Variants in RGS6 observed in about 807,000 individuals in gnomAD.
RGS6 encodes the protein regulator of G protein signaling 6.
A neutral mutation model predicts 78.5 loss-of-function variants in RGS6; 30 were observed. The ratio of observed to expected loss-of-function variants is 0.38; its 90% CI spans 0.29 to 0.52. RGS6 has a LOEUF of 0.52. Among genes scored for constraint, RGS6 ranks in the 20% least tolerant of loss-of-function variants. The pLI is 0.85. For missense variants in RGS6, 495 were observed against 609.7 expected (o/e 0.81, Z 1.98); for synonymous variants, 206 against 206.0 (o/e 1.00, Z 0.00).
At chr14:72,228,841 T>C (rs2048811047) in intron 2 of RGS6, among the ~76,000 whole-genome samples, 1 of 151,840 alleles carries the variant, frequency 6.6e-6, no homozygotes, top group South Asian at 2.1e-4. Context: ...AGGTCAGGAG[T>C]TCAAGACCAG....
the RGS6 span, among the ~76,000 whole-genome samples, chr14:71,921,360 C>T: frequency 6.6e-6 from 1 of 152,268 alleles, no homozygotes; most frequent in African/African-American, 2.4e-5. Context: ...CCAGCATTCC[C>T]ACTACTGGAT....
At chr14:71,910,255 C>T in the RGS6 span, among the ~76,000 whole-genome samples, 1 of 152,182 alleles carries the variant, frequency 6.6e-6, no homozygotes, top group Non-Finnish European at 1.5e-5. Flanking sequence ...GAAGAGCTCT[C>T]TCTGTGCTTC....
At chr14:71,961,917 A>G (rs17104975) in intron 1 of RGS6, among the ~76,000 whole-genome samples, 36,723 of 152,152 alleles carry the variant, frequency 0.24, 4,664 homozygotes, top group South Asian at 0.28. Context: ...ACATCATACT[A>G]TAATGAATGA....
the RGS6 span, among the ~76,000 whole-genome samples, chr14:71,910,017 A>C: frequency 6.6e-6 from 1 of 151,960 alleles, no homozygotes; most frequent in Non-Finnish European, 1.5e-5. Context: ...ATGAAACACT[A>C]TCTCTACTAA....
At chr14:72,342,334 G>C (rs1014165649) in intron 2 of RGS6, among the ~76,000 whole-genome samples, 3 of 152,098 alleles carry the variant, frequency 2.0e-5, no homozygotes, top group African/African-American at 7.2e-5. Flanking sequence ...GGGAGGCCAA[G>C]GCAGGCAGAT....
intron 1 of RGS6, among the ~76,000 whole-genome samples, chr14:71,940,091 C>T (rs1161787125): frequency 1.3e-5 from 2 of 152,182 alleles, no homozygotes; most frequent in African/African-American, 4.8e-5. Context: ...GCTAAAACTC[C>T]ATTAATTATC....
intron 13 of RGS6, among the ~76,000 whole-genome samples, chr14:72,499,078 G>A (rs375069050): frequency 6.6e-6 from 1 of 152,134 alleles, no homozygotes; most frequent in African/African-American, 2.4e-5. Flanking sequence ...TGTGGGTCAA[G>A]CCCTGATGGA....
At chr14:72,405,172 C>T (rs1596987501) in intron 3 of RGS6, among the ~76,000 whole-genome samples, 1 of 152,194 alleles carries the variant, frequency 6.6e-6, no homozygotes, top group Non-Finnish European at 1.5e-5. Context: ...AGCTGGGTGG[C>T]ACCAGCAAAG....
intron 12 of RGS6, among the ~76,000 whole-genome samples, chr14:72,489,705 AAAAG>A (rs1160954636): frequency 1.4e-5 from 2 of 139,092 alleles, no homozygotes; most frequent in Admixed American, 1.4e-4. Flanking sequence ...AACTGGAAGG[AAAAG>A]AAAGGAAAGG....
Position 71,976,508 on chromosome 14 carries a change from G to A in RGS6, c.84+11633G>A, listed in dbSNP as rs571079323. 2.9e-4 allele frequency among the ~76,000 whole-genome samples: 43 copies of A among 149,554 alleles called. 1 individual carries two copies. The East Asian group carries it at 6.7e-3, about 23-fold the overall frequency. On this transcript the variant is annotated intron_variant, in intron 2 of 17. Transcript: ENST00000553525. ...TTCCCACCTATGAGTGAGAATATGC[G>A]GTGTTTGGTTTTTTGTTCTTGCGAT...
intron 2 of RGS6, among the ~76,000 whole-genome samples, chr14:72,214,254 G>A (rs748037186): frequency 2.7e-5 from 4 of 148,810 alleles, no homozygotes; most frequent in Non-Finnish European, 4.4e-5. Flanking sequence ...TCGGCTCACT[G>A]CAGCCTCTGC....
At chr14:72,457,641 C>G (rs1035904807) in intron 4 of RGS6, among the ~76,000 whole-genome samples, 7 of 152,200 alleles carry the variant, frequency 4.6e-5, no homozygotes, top group Non-Finnish European at 1.0e-4. Flanking sequence ...AACGAAGGAA[C>G]AGATTGACTG....
At chr14:71,876,473 C>CTTTTTTTTTTTTTTTT in the RGS6 span, among the ~76,000 whole-genome samples, 1 of 72,492 alleles carries the variant, frequency 1.4e-5, no homozygotes, top group Non-Finnish European at 2.5e-5. Flanking sequence ...GCAACCGCTG[C>CTTTTTTTTTTTTTTTT]TTTTTTTTTT....
chr14:71,899,247 G>GAACTAGCT, the RGS6 span, among the ~76,000 whole-genome samples: 1 of 152,198 alleles, frequency 6.6e-6, no homozygotes, highest in Non-Finnish European at 1.5e-5. Context: ...CACTGTTCAA[G>GAACTAGCT]AACTAGCTTG....
chr14:72,192,211 C>T (rs1386638797), intron 2 of RGS6, among the ~76,000 whole-genome samples: 1 of 152,196 alleles, frequency 6.6e-6, no homozygotes, highest in Non-Finnish European at 1.5e-5. Flanking sequence ...GACATGAAGT[C>T]ATTGTTTTCC....
In RGS6 at chr14:72,562,687, T is replaced by G. The variant is rs1187654156; in HGVS notation, c.*220T>G. The G allele has an allele frequency of 6.5e-7, 1 of 1,536,140 alleles. No homozygotes were observed. The highest frequency in any genetic ancestry group is 2.4e-5 in the East Asian group (1 of 40,904). On this transcript the variant is annotated 3_prime_UTR_variant, in exon 18 of 18. Coordinates refer to ENST00000553525, the MANE Select transcript of RGS6 (RefSeq NM_001204424.2). Reference sequence around the variant, plus strand: ...CTGGGCTGGGCCCGGTGGAGGCTCCTGTTTACAGCCCTCTCTTCTTTGTAC... The same window carrying G: ...CTGGGCTGGGCCCGGTGGAGGCTCCGGTTTACAGCCCTCTCTTCTTTGTAC...
At chr14:72,014,528 G>C (rs368675113) in intron 2 of RGS6, among the ~76,000 whole-genome samples, 3 of 152,208 alleles carry the variant, frequency 2.0e-5, no homozygotes, top group African/African-American at 7.2e-5. Flanking sequence ...GGTGGGTGAT[G>C]AGGGCAGAGA....
At chr14:72,006,496 G>C (rs551910985) in intron 2 of RGS6, among the ~76,000 whole-genome samples, 1 of 152,156 alleles carries the variant, frequency 6.6e-6, no homozygotes, top group Non-Finnish European at 1.5e-5. Flanking sequence ...GTGACGATAG[G>C]CAATGTATGC....
chr14:72,487,380 G>A (rs1423673002), intron 12 of RGS6, among the ~76,000 whole-genome samples: 1 of 152,174 alleles, frequency 6.6e-6, no homozygotes, highest in Non-Finnish European at 1.5e-5. Context: ...GCAGAATAAT[G>A]ATCTCTCAAA....
Sources: allele counts gnomAD v4.1 joint callset (sites outside exome capture counted in the v4.1 genomes callset), GRCh38; gene constraint gnomAD v4.1.1; transcripts MANE v1.5; gene names NCBI Gene and HGNC (gene_info 2026-07-23, HGNC 2026-07-21).